CSMD1: variants seen among roughly 807,000 people sequenced by gnomAD.
CSMD1 encodes the protein CUB and Sushi multiple domains 1.
A neutral mutation model predicts 417.5 loss-of-function variants in CSMD1; 213 were observed. That is an observed-to-expected ratio of 0.51 (90% CI 0.46 to 0.57). The LOEUF (loss-of-function observed/expected upper bound fraction) is 0.57. Among genes scored for constraint, CSMD1 ranks in the 20% least tolerant of loss-of-function variants. The pLI, the probability that CSMD1 is intolerant of heterozygous loss-of-function variation, is 0.00. For synonymous variants in CSMD1, 2,862 were observed against 1,736.8 expected (o/e 1.65, Z -16.11); for missense variants, 6,923 against 4,529.7 (o/e 1.53, Z -15.17).
intron 6 of CSMD1, among the ~76,000 whole-genome samples, chr8:3,751,404 CAATA>C (rs1563340080): frequency 6.9e-6 from 1 of 145,538 alleles, no homozygotes; most frequent in African/African-American, 2.5e-5. Context: ...AAATATAATA[CAATA>C]AATTTAATTA....
At chr8:4,222,571 A>T (rs144190612) in intron 3 of CSMD1, among the ~76,000 whole-genome samples, 1 of 152,210 alleles carries the variant, frequency 6.6e-6, no homozygotes, top group Admixed American at 6.5e-5. Flanking sequence ...GTTAAAGGCT[A>T]TTACTTTAAA....
intron 23 of CSMD1, among the ~76,000 whole-genome samples, chr8:3,308,732 G>GTTTTTTT (rs5888961): frequency 5.9e-4 from 64 of 108,954 alleles, no homozygotes; most frequent in African/African-American, 2.1e-3. Context: ...CTACTTACAA[G>GTTTTTTT]TTTTTTTTTT....
At chr8:3,209,604 C>G (rs1273165211) in intron 30 of CSMD1, among the ~76,000 whole-genome samples, 1 of 152,156 alleles carries the variant, frequency 6.6e-6, no homozygotes, top group Non-Finnish European at 1.5e-5. Context: ...CAGGTGTGAG[C>G]CACTGCACTC....
At chr8:4,098,017 G>T (rs1437838587) in intron 3 of CSMD1, among the ~76,000 whole-genome samples, 1 of 152,174 alleles carries the variant, frequency 6.6e-6, no homozygotes, top group Non-Finnish European at 1.5e-5. Context: ...AGAGTGATTT[G>T]CAGGAGTTCA....
chr8:4,428,771 G>T (rs1797704971), intron 2 of CSMD1, among the ~76,000 whole-genome samples: 1 of 152,084 alleles, frequency 6.6e-6, no homozygotes, highest in East Asian at 1.9e-4. Context: ...CCAGGCTGGA[G>T]TGCAGTGGCG....
At chr8:3,641,177 G>C (rs1159403638) in intron 7 of CSMD1, among the ~76,000 whole-genome samples, 3 of 151,884 alleles carry the variant, frequency 2.0e-5, no homozygotes, top group Non-Finnish European at 4.4e-5. Context: ...ACATGCAATG[G>C]GTGATCACTT....
intron 4 of CSMD1, among the ~76,000 whole-genome samples, chr8:4,013,776 C>T (rs2130452662): frequency 6.6e-6 from 1 of 152,294 alleles, no homozygotes; most frequent in Non-Finnish European, 1.5e-5. Flanking sequence ...TGGTTTTATA[C>T]ATTAGGCTTT....
intron 3 of CSMD1, among the ~76,000 whole-genome samples, chr8:4,080,456 A>G (rs1013929473): frequency 6.6e-6 from 1 of 152,240 alleles, no homozygotes; most frequent in African/African-American, 2.4e-5. Context: ...GTTACATATG[A>G]TCAATAAGGT....
At chr8:4,384,576 A>G (rs1176891507) in intron 3 of CSMD1, among the ~76,000 whole-genome samples, 1 of 152,218 alleles carries the variant, frequency 6.6e-6, no homozygotes, top group African/African-American at 2.4e-5. Context: ...AAGCAATGCT[A>G]CTTAGAAAAG....
chr8:4,871,333 G>A (rs1007673998), intron 1 of CSMD1, among the ~76,000 whole-genome samples: 2 of 152,040 alleles, frequency 1.3e-5, no homozygotes, highest in African/African-American at 4.8e-5. Context: ...ATTTTCTGAT[G>A]CTTCCAGCTA....
chr8:3,314,329 C>G (rs967366303), intron 23 of CSMD1, among the ~76,000 whole-genome samples: 3 of 152,080 alleles, frequency 2.0e-5, no homozygotes, highest in Admixed American at 2.0e-4. Context: ...AGAGATATTT[C>G]CATTTTAATG....
chr8:4,097,311 C>G (rs1801066361), intron 3 of CSMD1, among the ~76,000 whole-genome samples: 1 of 152,144 alleles, frequency 6.6e-6, no homozygotes, highest in African/African-American at 2.4e-5. Context: ...GATACTGAAA[C>G]ACTTATTTTA....
intron 18 of CSMD1, among the ~76,000 whole-genome samples, chr8:3,385,188 AAT>A (rs1258900942): frequency 1.4e-5 from 2 of 143,736 alleles, no homozygotes; most frequent in Non-Finnish European, 3.0e-5. Flanking sequence ...TAGAAGTCTA[AAT>A]ATATAAATAG....
intron 3 of CSMD1, among the ~76,000 whole-genome samples, chr8:4,307,239 C>T (rs1341559331): frequency 3.3e-5 from 5 of 152,226 alleles, no homozygotes; most frequent in African/African-American, 9.6e-5. Flanking sequence ...ATTTGTGAGT[C>T]TAACATATGC....
At chr8:3,345,828 T>C (rs993824604) in intron 22 of CSMD1, among the ~76,000 whole-genome samples, 3 of 152,158 alleles carry the variant, frequency 2.0e-5, no homozygotes, top group Non-Finnish European at 4.4e-5. Flanking sequence ...GGGAAATCTT[T>C]CCCAGTTTTA....
intron 26 of CSMD1, among the ~76,000 whole-genome samples, chr8:3,250,304 T>C (rs1399438185): frequency 6.6e-6 from 1 of 152,106 alleles, no homozygotes; most frequent in Non-Finnish European, 1.5e-5. Flanking sequence ...TGAGAACATG[T>C]GGTGTTTGGT....
intron 3 of CSMD1, among the ~76,000 whole-genome samples, chr8:4,167,060 A>C (rs1224503955): frequency 6.6e-6 from 1 of 152,080 alleles, no homozygotes; most frequent in African/African-American, 2.4e-5. Context: ...ACAAACGGGG[A>C]GGAGAAAAAA....
intron 10 of CSMD1, among the ~76,000 whole-genome samples, chr8:3,528,682 C>G (rs1797855351): frequency 6.6e-6 from 1 of 152,154 alleles, no homozygotes; most frequent in African/African-American, 2.4e-5. Context: ...GTGGCTGCAC[C>G]TCACACAAAA....
chr8:3,965,673 A>T (rs1004503107), intron 5 of CSMD1, among the ~76,000 whole-genome samples: 2 of 151,992 alleles, frequency 1.3e-5, no homozygotes, highest in African/African-American at 4.8e-5. Context: ...GCTGGAGTGC[A>T]ATGGTGCCAT....
Sources: allele counts gnomAD v4.1 joint callset (sites outside exome capture counted in the v4.1 genomes callset), GRCh38; gene constraint gnomAD v4.1.1; transcripts MANE v1.5; gene names NCBI Gene and HGNC (gene_info 2026-07-23, HGNC 2026-07-21).